The following GRXCR2 variants were observed in gnomAD, a reference collection of about 807,000 sequenced individuals.
GRXCR2 encodes glutaredoxin domain-containing cysteine-rich protein 2.
A neutral mutation model predicts 24.8 loss-of-function variants in GRXCR2; 23 were observed. That is an observed-to-expected ratio of 0.93 (90% CI 0.67 to 1.32). The LOEUF (loss-of-function observed/expected upper bound fraction) is 1.32, where lower values mean the gene tolerates loss of function less well. Among genes scored for constraint, GRXCR2 ranks in the 40% most tolerant of loss-of-function variants. The probability of loss-of-function intolerance (pLI) is 0.00; values close to 1 mark genes in which losing one functional copy is unlikely to be tolerated. For synonymous variants in GRXCR2, 130 were observed against 116.1 expected (o/e 1.12, Z -0.77); for missense variants, 315 against 303.4 (o/e 1.04, Z -0.28).
Position 145,921,533 on chromosome 5 carries a change from A to G in GRXCR2, c.-70+14168T>C, listed in dbSNP as rs1757320757. Among the ~76,000 whole-genome samples the G allele has an allele frequency of 2.6e-5, 4 of 152,200 alleles. No individual in the cohort carries two copies. In the South Asian group the frequency reaches 8.3e-4, roughly 32 times the overall value. ...TTACCAAACTGAACACGTTGATTCAATTCCTATTAACTGAGTATTCACCCA... is the reference window on the plus strand; with the variant it reads ...TTACCAAACTGAACACGTTGATTCAGTTCCTATTAACTGAGTATTCACCCA... On this transcript the variant is annotated intron_variant, in intron 2 of 3. Coordinates refer to the GRXCR2 transcript ENST00000639411.
At chr5:145,875,817 C>T (rs567521759), upstream of GRXCR2, among the ~76,000 whole-genome samples, 1 of 152,274 alleles carries the variant, frequency 6.6e-6, no homozygotes, top group South Asian at 2.1e-4. Flanking sequence ...GCCCTCATGG[C>T]AGCCAGGTGT....
chr5:145,886,936 A>C (rs1056366161), intron 2 of GRXCR2, among the ~76,000 whole-genome samples: 1 of 152,170 alleles, frequency 6.6e-6, no homozygotes, highest in Non-Finnish European at 1.5e-5. Flanking sequence ...CGTTTACTAG[A>C]CTTTCTGTTA....
intron 2 of GRXCR2, among the ~76,000 whole-genome samples, chr5:145,891,651 G>A (rs1255989810): frequency 1.3e-5 from 2 of 152,154 alleles, no homozygotes; most frequent in Non-Finnish European, 2.9e-5. Flanking sequence ...CGAACTCGGT[G>A]GAGCCCACTG....
intron 2 of GRXCR2, among the ~76,000 whole-genome samples, chr5:145,863,599 T>C (rs1441817473): frequency 1.3e-5 from 2 of 152,212 alleles, no homozygotes; most frequent in African/African-American, 4.8e-5. Context: ...AAAAATTTTA[T>C]AGTGGGAAGG....
intron 2 of GRXCR2, among the ~76,000 whole-genome samples, chr5:145,886,770 G>T (rs1023849006): frequency 1.3e-5 from 2 of 152,060 alleles, no homozygotes; most frequent in African/African-American, 4.8e-5. Flanking sequence ...ATATACAGAT[G>T]AAATTAATTT....
At position 145,896,022 on chromosome 5, in the gene GRXCR2, G is replaced by A. The variant is rs540847813; in HGVS notation, c.-69-29294C>T. Among the ~76,000 whole-genome samples, 64 of 152,248 alleles carry A rather than the reference G, an allele frequency of 4.2e-4. 2 individuals are homozygous for A. The highest frequency in any genetic ancestry group is 3.3e-3 in the East Asian group (17 of 5,186). ...TCTTTGACAAACCTGACAAAAACAA[G>A]AAATGGGGAAAGGATTCCCTATTTA... On this transcript the variant is annotated intron_variant, in intron 2 of 3. Coordinates refer to the GRXCR2 transcript ENST00000639411.
chr5:145,898,558 A>T (rs1210334520), intron 2 of GRXCR2, among the ~76,000 whole-genome samples: 1 of 152,176 alleles, frequency 6.6e-6, no homozygotes. Flanking sequence ...AACTAAATTC[A>T]TCAACATGTT....
intron 2 of GRXCR2, among the ~76,000 whole-genome samples, chr5:145,885,105 G>A (rs554048726): frequency 2.7e-4 from 41 of 151,262 alleles, no homozygotes; most frequent in African/African-American, 8.6e-4. Flanking sequence ...GTCTGTGTGT[G>A]TGTGTGTGTG....
At chr5:145,873,841 G>A (rs1348728475), upstream of GRXCR2, among the ~76,000 whole-genome samples, 1 of 152,210 alleles carries the variant, frequency 6.6e-6, no homozygotes, top group Non-Finnish European at 1.5e-5. Context: ...TGAACTAGTG[G>A]CTGGAGTGAA....
intron 2 of GRXCR2, among the ~76,000 whole-genome samples, chr5:145,909,529 CCCCTCAGTGTAACTG>C (rs1757135832): frequency 6.6e-6 from 1 of 152,154 alleles, no homozygotes; most frequent in African/African-American, 2.4e-5. Flanking sequence ...CTCTATTGCC[CCCCTCAGTGTAACTG>C]CCTGTAATGT....
chr5:145,929,599 C>T (rs553685878), intron 2 of GRXCR2, among the ~76,000 whole-genome samples: 3 of 152,158 alleles, frequency 2.0e-5, no homozygotes, highest in Admixed American at 1.3e-4. Context: ...TACAGTTTTA[C>T]CAATTACTTG....
intron 2 of GRXCR2, among the ~76,000 whole-genome samples, chr5:145,904,779 G>A (rs772373985): frequency 2.0e-5 from 3 of 152,150 alleles, no homozygotes; most frequent in Non-Finnish European, 4.4e-5. Flanking sequence ...TTCTGCAGCT[G>A]GAGTTTCAGC....
intron 2 of GRXCR2, among the ~76,000 whole-genome samples, chr5:145,912,395 T>C (rs748775699): frequency 2.0e-5 from 3 of 152,098 alleles, no homozygotes; most frequent in Non-Finnish European, 4.4e-5. Flanking sequence ...CCCTCTTTCA[T>C]TCATTCAGCA....
In GRXCR2 at chr5:145,896,962, G is replaced by T. The variant is rs369402835; in HGVS notation, c.-69-30234C>A. Among the ~76,000 whole-genome samples the T allele has an allele frequency of 1.2e-4, 18 of 151,980 alleles. No homozygotes were observed. In the South Asian group the frequency reaches 1.5e-3, roughly 12 times the overall value. Reference sequence around the variant, plus strand: ...TGGAATACTATGCAGCCATAAAAAAGGATGAGTTCATGTCCTTTGTAGGGA... The same window carrying T: ...TGGAATACTATGCAGCCATAAAAAATGATGAGTTCATGTCCTTTGTAGGGA... On this transcript the variant is annotated intron_variant, in intron 2 of 3. Coordinates refer to the GRXCR2 transcript ENST00000639411.
intron 2 of GRXCR2, among the ~76,000 whole-genome samples, chr5:145,891,092 C>A (rs1325469285): frequency 6.6e-6 from 1 of 152,136 alleles, no homozygotes; most frequent in Non-Finnish European, 1.5e-5. Context: ...ACACACCCAA[C>A]ATTAGAGCAC....
intron 2 of GRXCR2, among the ~76,000 whole-genome samples, chr5:145,895,896 A>G (rs1756941398): frequency 6.6e-6 from 1 of 152,238 alleles, no homozygotes; most frequent in South Asian, 2.1e-4. Context: ...ACAAGGCTAC[A>G]GTAACCAAAA....
At chr5:145,876,803 G>A (rs1412952211), upstream of GRXCR2, among the ~76,000 whole-genome samples, 1 of 152,154 alleles carries the variant, frequency 6.6e-6, no homozygotes, top group East Asian at 1.9e-4. Flanking sequence ...TTCCAGAATA[G>A]TCACAAATAC....
chr5:145,918,651 C>T lies in GRXCR2; in HGVS notation c.-70+17050G>A, dbSNP rs529536491. Among the ~76,000 whole-genome samples the T allele has an allele frequency of 2.0e-5, 3 of 152,340 alleles. No homozygotes were observed. In the South Asian group the frequency reaches 6.2e-4, roughly 32 times the overall value. ...TGCAAGCAGGCTTCAGCTGTGTCAC[C>T]TGAATGTCCCTGACTTCACCTGCTC... On this transcript the variant is annotated intron_variant, in intron 2 of 3. Coordinates refer to the GRXCR2 transcript ENST00000639411.
chr5:145,897,375 T>G (rs1434992093), intron 2 of GRXCR2, among the ~76,000 whole-genome samples: 1 of 151,276 alleles, frequency 6.6e-6, no homozygotes, highest in African/African-American at 2.4e-5. Context: ...AGTGGAGAAC[T>G]TTAACACACC....
Sources: allele counts gnomAD v4.1 joint callset (sites outside exome capture counted in the v4.1 genomes callset), GRCh38; gene constraint gnomAD v4.1.1; transcripts MANE v1.5; gene names NCBI Gene and HGNC (gene_info 2026-07-23, HGNC 2026-07-21).